The following COL24A1 variants were observed in gnomAD, a reference collection of about 807,000 sequenced individuals.
COL24A1 encodes collagen alpha-1(XXIV) chain.
In COL24A1, 224 loss-of-function variants were observed where a neutral mutation model predicts 253.9. That is an observed-to-expected ratio of 0.88 (90% CI 0.79 to 0.99). The LOEUF is 0.99. Among genes scored for constraint, COL24A1 ranks in the 50% least tolerant of loss-of-function variants. The pLI is 0.00. For synonymous variants in COL24A1, 685 were observed against 673.7 expected (o/e 1.02, Z -0.26); for missense variants, 2,131 against 2,068.5 (o/e 1.03, Z -0.59).
intron 7 of COL24A1, among the ~76,000 whole-genome samples, chr1:86,078,479 T>A (rs1340251628): frequency 1.3e-5 from 2 of 151,824 alleles, no homozygotes; most frequent in Non-Finnish European, 2.9e-5. Context: ...AGAAAAAAAA[T>A]AAAGGGCATC....
intron 28 of COL24A1, among the ~76,000 whole-genome samples, chr1:85,898,119 G>A (rs1683935919): frequency 6.6e-6 from 1 of 152,164 alleles, no homozygotes; most frequent in African/African-American, 2.4e-5. Flanking sequence ...AAAGAAGACT[G>A]GGACTTATAA....
rs573636566 is a variant in COL24A1 at position 85,830,647 on chromosome 1, G to A, written c.3682-6909C>T. Among the ~76,000 whole-genome samples the A allele has an allele frequency of 9.2e-5, 14 of 152,222 alleles. No individual in the cohort carries two copies. The East Asian group carries it at 1.2e-3, about 13-fold the overall frequency. On this transcript the variant is annotated intron_variant, in intron 43 of 59. Coordinates refer to ENST00000370571, the MANE Select transcript of COL24A1 (RefSeq NM_152890.7). Reference sequence around the variant, plus strand: ...TGGTGTGCTGTTTTTAAAGCCCGTCGGAAAAGCGCAGTATTCGGGTCAGAG... The same window carrying A: ...TGGTGTGCTGTTTTTAAAGCCCGTCAGAAAAGCGCAGTATTCGGGTCAGAG...
intron 5 of COL24A1, among the ~76,000 whole-genome samples, chr1:86,110,548 G>A (rs1036717639): frequency 5.3e-5 from 8 of 151,970 alleles, no homozygotes; most frequent in African/African-American, 1.9e-4. Context: ...TGCTTGCGGG[G>A]AGGTGTGGAG....
chr1:85,933,224 A>T (rs182564917), intron 24 of COL24A1, among the ~76,000 whole-genome samples: 2 of 152,288 alleles, frequency 1.3e-5, no homozygotes, highest in Non-Finnish European at 2.9e-5. Flanking sequence ...CTGCTAAAGG[A>T]TGTGGTTGCA....
intron 19 of COL24A1, among the ~76,000 whole-genome samples, chr1:85,995,194 CA>C (rs1694662881): frequency 1.3e-5 from 2 of 152,092 alleles, no homozygotes; most frequent in Non-Finnish European, 2.9e-5. Flanking sequence ...CTCTGTCAAT[CA>C]AGCTGGAGTA....
intron 53 of COL24A1, among the ~76,000 whole-genome samples, chr1:85,772,753 T>C (rs1375107927): frequency 6.6e-6 from 1 of 152,180 alleles, no homozygotes; most frequent in African/African-American, 2.4e-5. Flanking sequence ...AAGTTCTTTG[T>C]AGATTCTGGA....
chr1:86,032,012 A>T (rs1698613877), intron 13 of COL24A1, 90 bp from the exon 14 acceptor site: 27 of 1,001,774 alleles, frequency 2.7e-5, no homozygotes, highest in Non-Finnish European at 3.9e-5. Flanking sequence ...TTTCTAGCTA[A>T]GAATACATCA....
chr1:85,932,573 C>A (rs1052515892), intron 24 of COL24A1, among the ~76,000 whole-genome samples: 13 of 94,678 alleles, frequency 1.4e-4, no homozygotes, highest in Admixed American at 5.0e-4. Flanking sequence ...TTGACCCAGC[C>A]ATCCCATTAC....
chr1:86,134,008 T>C (rs1649777463), intron 2 of COL24A1, among the ~76,000 whole-genome samples: 1 of 152,078 alleles, frequency 6.6e-6, no homozygotes, highest in Admixed American at 6.6e-5. Context: ...AACCTATTAA[T>C]TATTGCCTCA....
At chr1:86,021,374 T>G (rs538364571) in intron 18 of COL24A1, among the ~76,000 whole-genome samples, 1 of 152,166 alleles carries the variant, frequency 6.6e-6, no homozygotes, top group Admixed American at 6.6e-5. Flanking sequence ...CTTAAAATAT[T>G]AAACCCTAAA....
At position 86,033,311 on chromosome 1, in the gene COL24A1, G is replaced by A. The variant is rs78781756; in HGVS notation, c.2004+559C>T. On this transcript the variant is annotated intron_variant, in intron 13 of 59. Transcript: ENST00000370571. ...AATATGTGAATGGCTTAAGATTGGG[G>A]AATAGCTATTGGATGGTTTTTAAGA... Among the ~76,000 whole-genome samples the A allele has an allele frequency of 2.5e-3, 375 of 152,154 alleles. 10 individuals carry two copies. In the East Asian group the frequency reaches 0.046, roughly 19 times the overall value.
intron 39 of COL24A1, among the ~76,000 whole-genome samples, chr1:85,845,943 A>G (rs543353526): frequency 6.6e-6 from 1 of 151,918 alleles, no homozygotes; most frequent in Admixed American, 6.6e-5. Context: ...CAAGAGTCAA[A>G]CTTTTTTGTA....
At chr1:86,138,622 C>G (rs1005676079) in intron 2 of COL24A1, among the ~76,000 whole-genome samples, 1 of 152,182 alleles carries the variant, frequency 6.6e-6, no homozygotes, top group Non-Finnish European at 1.5e-5. Context: ...GGCCTTCCAC[C>G]ATGATTGTGA....
rs766789384 is a variant in COL24A1, at chr1:85,823,562, C to G, written c.3763G>C (p.Gly1255Arg). Residue 1255 changes from glycine (G) to arginine (R), a missense_variant, in exon 45 of 60, where the codon GGA (glycine) becomes CGA (arginine). By Grantham distance (125) the Gly-to-Arg change is moderately radical (BLOSUM62 -2). Transcript: ENST00000370571. ...PGEPGDQGEQ[G>R]LKGERGSEGN... ...TCAGATCCTCTCTCTCCTTTTAGTC[C>G]TTGTTCACCCTGGTCACCTGGTTCG... is the stretch of plus-strand genomic sequence containing the variant. 1 of 1,613,942 alleles carries G rather than the reference C, an allele frequency of 6.2e-7. No individual in the cohort carries two copies. Among genetic ancestry groups the G allele is most frequent in the Non-Finnish European group, 8.5e-7 (1 of 1,179,950 alleles).
At chr1:85,731,785 T>A (rs1222225716) in intron 59 of COL24A1, among the ~76,000 whole-genome samples, 1 of 152,164 alleles carries the variant, frequency 6.6e-6, no homozygotes, top group East Asian at 1.9e-4. Flanking sequence ...TGTAGATAGT[T>A]AGTAAATTCC....
intron 37 of COL24A1, among the ~76,000 whole-genome samples, chr1:85,850,048 G>A (rs960678550): frequency 1.3e-5 from 2 of 152,076 alleles, no homozygotes; most frequent in Admixed American, 6.6e-5. Flanking sequence ...AGAGAAAAAG[G>A]AGGTAATCAT....
At chr1:85,891,217 A>ATTTTTTTTTT (rs138122213) in intron 31 of COL24A1, among the ~76,000 whole-genome samples, 1 of 127,106 alleles carries the variant, frequency 7.9e-6, no homozygotes, top group East Asian at 2.3e-4. Context: ...CGCCCGGCTA[A>ATTTTTTTTTT]TTTTTTTTTT....
chr1:86,135,611 A>G (rs1248759083), intron 2 of COL24A1, among the ~76,000 whole-genome samples: 2 of 151,610 alleles, frequency 1.3e-5, no homozygotes, highest in Non-Finnish European at 2.9e-5. Context: ...GCTCCTTCCC[A>G]TTTCATCTTG....
chr1:85,768,688 G>T (rs1667646542), intron 53 of COL24A1, among the ~76,000 whole-genome samples: 1 of 152,070 alleles, frequency 6.6e-6, no homozygotes, highest in African/African-American at 2.4e-5. Context: ...CTCAGTGCAG[G>T]AATACCAGTC....
Sources: allele counts gnomAD v4.1 joint callset (sites outside exome capture counted in the v4.1 genomes callset), GRCh38; gene constraint gnomAD v4.1.1; transcripts MANE v1.5; gene names NCBI Gene and HGNC (gene_info 2026-07-23, HGNC 2026-07-21).